The following TRAPPC9 variants were observed in gnomAD, a reference collection of about 807,000 sequenced individuals.
TRAPPC9 encodes IKK2 binding protein.
Under a neutral mutation model 124.0 loss-of-function variants are expected in TRAPPC9, and 83 were observed. The observed-to-expected ratio is 0.67, with a 90% CI of 0.56 to 0.80. The LOEUF is 0.80. Among genes scored for constraint, TRAPPC9 ranks in the 30% least tolerant of loss-of-function variants. The pLI, the probability that TRAPPC9 is intolerant of heterozygous loss-of-function variation, is 0.00. For synonymous variants in TRAPPC9, 638 were observed against 617.5 expected, an observed-to-expected ratio of 1.03 and a Z score of -0.49; for missense variants, 1,302 against 1,508.3, an observed-to-expected ratio of 0.86 and a Z score of 2.27.
At chr8:140,027,838 AG>A (rs1840250003) in intron 17 of TRAPPC9, among the ~76,000 whole-genome samples, 1 of 152,164 alleles carries the variant, frequency 6.6e-6, no homozygotes, top group Non-Finnish European at 1.5e-5. Context: ...TGTGTGAAGG[AG>A]GAACAGTCAA....
chr8:140,402,115 G>T (rs537549949), intron 6 of TRAPPC9, among the ~76,000 whole-genome samples: 1 of 151,946 alleles, frequency 6.6e-6, no homozygotes, highest in African/African-American at 2.4e-5. Flanking sequence ...GCCTGTAATC[G>T]CAGCGTCTCA....
At position 140,215,105 on chromosome 8, in the gene TRAPPC9, G is replaced by T. The variant is rs73364949; in HGVS notation, c.2556+6354C>A. Among the ~76,000 whole-genome samples, 368 of 152,196 alleles carry T rather than the reference G, an allele frequency of 2.4e-3. 1 individual carries two copies. The highest frequency in any genetic ancestry group is 8.5e-3 in the African/African-American group (353 of 41,514). On this transcript the variant is annotated intron_variant, in intron 17 of 22. Transcript: ENST00000438773. ...CTCCGGTCCCCAGAGAGGCTCAGCCGTCCCGCAGAAGACAAACCTCGACAA... is the reference window on the plus strand; with the variant it reads ...CTCCGGTCCCCAGAGAGGCTCAGCCTTCCCGCAGAAGACAAACCTCGACAA...
rs185682735 is a variant in TRAPPC9, at chr8:140,108,723, G to A, written c.2557-84644C>T. Among the ~76,000 whole-genome samples, 58 of 152,314 alleles carry A rather than the reference G, an allele frequency of 3.8e-4. No individual in the cohort carries two copies. In the East Asian group the frequency reaches 9.5e-3, roughly 25 times the overall value. On this transcript the variant is annotated intron_variant, in intron 17 of 22. Coordinates refer to ENST00000438773, the MANE Select transcript of TRAPPC9 (RefSeq NM_001160372.4). ...TGTGTCCCAGTGCCTAGAAGCACAC[G>A]TGGTATGCAGAAGGCCCTCAGCAAG... is the stretch of plus-strand genomic sequence containing the variant.
chr8:140,139,004 G>A (rs979677488), intron 17 of TRAPPC9, among the ~76,000 whole-genome samples: 11 of 152,126 alleles, frequency 7.2e-5, no homozygotes, highest in East Asian at 5.8e-4. Context: ...AATGCTCAGC[G>A]AATTGGGAGT....
intron 17 of TRAPPC9, among the ~76,000 whole-genome samples, chr8:140,032,373 C>A (rs1312570548): frequency 6.6e-6 from 1 of 152,080 alleles, no homozygotes; most frequent in Non-Finnish European, 1.5e-5. Context: ...TTTATTTACA[C>A]AGAAACAAGA....
intron 17 of TRAPPC9, 102 bp downstream of exon 17, chr8:140,221,357 A>G: frequency 6.5e-7 from 1 of 1,527,016 alleles, no homozygotes; most frequent in Non-Finnish European, 9.0e-7. Flanking sequence ...TCAAATACAC[A>G]TAGCCTTTCC....
intron 17 of TRAPPC9, among the ~76,000 whole-genome samples, chr8:140,080,298 C>T (rs762688073): frequency 1.3e-5 from 2 of 152,228 alleles, no homozygotes; most frequent in Non-Finnish European, 2.9e-5. Flanking sequence ...CAACAGCTAA[C>T]AGTACAAAAC....
intron 11 of TRAPPC9, among the ~76,000 whole-genome samples, chr8:140,294,857 C>A (rs1254336045): frequency 6.6e-6 from 1 of 152,142 alleles, no homozygotes; most frequent in African/African-American, 2.4e-5. Context: ...CTAATCCCCC[C>A]CACCTTGGCC....
In TRAPPC9 at chr8:140,291,022, T is replaced by C. The variant is rs544231021; in HGVS notation, c.1825A>G (p.Met609Val). Residue 609 changes from methionine (M) to valine (V), a missense_variant, in exon 12 of 23, where the codon ATG becomes GTG. Met to Val is a conservative substitution (Grantham distance 21). This residue lies in a region of TRAPPC9 where 657 missense variants were observed against 811.2 expected (regional missense o/e 0.81). Transcript: ENST00000438773. ...TTTTCAACTCGAAGTTCAAACGGCA[T>C]TGGGTTATATACCATCAGCTGAACT... Reference protein sequence around the residue: ...CEVQLMVYNPMPFELRVENMG... With the variant: ...CEVQLMVYNPVPFELRVENMG... 3 of 1,614,222 alleles carry C rather than the reference T, an allele frequency of 1.9e-6. No homozygotes were observed. The highest frequency in any genetic ancestry group is 1.3e-5 in the African/African-American group (1 of 75,062).
At chr8:139,810,373 T>C (rs1027832524) in intron 21 of TRAPPC9, among the ~76,000 whole-genome samples, 1 of 152,062 alleles carries the variant, frequency 6.6e-6, no homozygotes, top group Non-Finnish European at 1.5e-5. Flanking sequence ...TGAACGACCA[T>C]GACGGATCCT....
At chr8:140,054,757 CTA>C (rs1040852656) in intron 17 of TRAPPC9, among the ~76,000 whole-genome samples, 22 of 152,040 alleles carry the variant, frequency 1.4e-4, no homozygotes, top group African/African-American at 4.6e-4. Context: ...TAGAAGATGA[CTA>C]TGAACCATTA....
chr8:139,748,131 C>G (rs186925285), intron 21 of TRAPPC9, among the ~76,000 whole-genome samples: 157 of 11,952 alleles, frequency 0.013, 1 homozygote, highest in Non-Finnish European at 0.016. Flanking sequence ...GCAGGTGTCA[C>G]AGCAGGTTGG....
chr8:140,080,964 T>C (rs1482338843), intron 17 of TRAPPC9, among the ~76,000 whole-genome samples: 1 of 152,138 alleles, frequency 6.6e-6, no homozygotes, highest in African/African-American at 2.4e-5. Flanking sequence ...GAGGAAGGTG[T>C]TGCCATAGCC....
chr8:140,093,952 G>A (rs1035717573), intron 17 of TRAPPC9, among the ~76,000 whole-genome samples: 5 of 152,116 alleles, frequency 3.3e-5, no homozygotes, highest in Admixed American at 6.5e-5. Flanking sequence ...GAAGTCTAAC[G>A]AAGTTCCCTC....
At position 139,803,452 on chromosome 8, in the gene TRAPPC9, C is replaced by T. The variant is rs534533802; in HGVS notation, c.3056-71250G>A. Among the ~76,000 whole-genome samples the T allele has an allele frequency of 5.9e-5, 9 of 152,338 alleles. No individual in the cohort carries two copies. In the East Asian group the frequency reaches 9.6e-4, roughly 16 times the overall value. On this transcript the variant is annotated intron_variant, in intron 21 of 22. Transcript: ENST00000438773. Reference sequence around the variant, plus strand: ...TGCCAGGGGACACAGCCACCTCATGCGGGAGCCCACCCTCCAGACAGTGCA... The same window carrying T: ...TGCCAGGGGACACAGCCACCTCATGTGGGAGCCCACCCTCCAGACAGTGCA...
Position 140,253,110 on chromosome 8 carries a change from CCT to C in TRAPPC9, c.2279-183_2279-182del, listed in dbSNP as rs140935423. On this transcript the variant is annotated intron_variant, in intron 15 of 22. Transcript: ENST00000438773. The stretch of plus-strand genomic sequence containing the variant: ...CAAGAAGTGTTGCAAGGCAATCACC[CCT>C]GTTTATGAAGGAGGCACAGGGAGGA... Among the ~76,000 whole-genome samples, 20,473 of 151,978 alleles carry C rather than the reference CCT, an allele frequency of 0.13. 1,493 individuals are homozygous for C. Among genetic ancestry groups the C allele is most frequent in the South Asian group, 0.15 (734 of 4,806 alleles).
At chr8:140,200,283 G>A (rs2062757180) in intron 17 of TRAPPC9, among the ~76,000 whole-genome samples, 1 of 152,174 alleles carries the variant, frequency 6.6e-6, no homozygotes, top group Non-Finnish European at 1.5e-5. Context: ...TAGAAGCAAG[G>A]CCAACCGGGA....
chr8:139,990,740 C>G (rs961178228), intron 18 of TRAPPC9, among the ~76,000 whole-genome samples: 2 of 152,140 alleles, frequency 1.3e-5, no homozygotes, highest in Non-Finnish European at 2.9e-5. Context: ...GTGCCCGCCA[C>G]CATGCCCAGG....
rs1380042768 is a variant in TRAPPC9, at chr8:139,981,535, GC to G, written c.2810+7190del. 3.9e-5 allele frequency among the ~76,000 whole-genome samples: 6 copies of G among 152,322 alleles called. No individual in the cohort carries two copies. The East Asian group carries it at 1.2e-3, about 29-fold the overall frequency. ...CAATAACAACCTGCAAGAAGACTGGGCGCCACACGGTTAAGCATCACTTTGA... is the reference window on the plus strand; with the variant it reads ...CAATAACAACCTGCAAGAAGACTGGGGCCACACGGTTAAGCATCACTTTGA... On this transcript the variant is annotated intron_variant, in intron 19 of 22. Coordinates refer to ENST00000438773, the MANE Select transcript of TRAPPC9 (RefSeq NM_001160372.4).
Sources: allele counts gnomAD v4.1 joint callset (sites outside exome capture counted in the v4.1 genomes callset), GRCh38; gene constraint gnomAD v4.1.1; regional missense constraint gnomAD v4.1.1; transcripts MANE v1.5; gene names NCBI Gene and HGNC (gene_info 2026-07-23, HGNC 2026-07-21).